The following ALDH1A2 variants were observed in gnomAD, a reference collection of about 807,000 sequenced individuals.
The protein encoded by ALDH1A2 is aldehyde dehydrogenase 1 family member A2.
A neutral mutation model predicts 60.3 loss-of-function variants in ALDH1A2; 27 were observed. That is an observed-to-expected ratio of 0.45 (90% CI 0.33 to 0.62). The LOEUF is 0.62. Ranked by LOEUF, ALDH1A2 falls within the 20% of genes least tolerant of loss-of-function variation. ALDH1A2 has a pLI of 0.02. For synonymous variants in ALDH1A2, 289 were observed against 232.4 expected (o/e 1.24, Z -2.21); for missense variants, 581 against 643.8 (o/e 0.90, Z 1.06).
At chr15:57,977,879 G>C (rs1894320439) in intron 7 of ALDH1A2, among the ~76,000 whole-genome samples, 1 of 152,194 alleles carries the variant, frequency 6.6e-6, no homozygotes, top group African/African-American at 2.4e-5. Flanking sequence ...TCCTTGAGGA[G>C]TGGTTTATAG....
At chr15:58,036,917 A>T (rs1281969801) in intron 1 of ALDH1A2, among the ~76,000 whole-genome samples, 1 of 151,750 alleles carries the variant, frequency 6.6e-6, no homozygotes, top group Non-Finnish European at 1.5e-5. Context: ...ATGGGGAAGT[A>T]CAAGAAAGAA....
chr15:58,059,272 G>C (rs943563218), intron 1 of ALDH1A2, among the ~76,000 whole-genome samples: 20 of 152,126 alleles, frequency 1.3e-4, no homozygotes, highest in Non-Finnish European at 2.8e-4. Flanking sequence ...TTGCTGTTTG[G>C]GGGGAAATGA....
intron 7 of ALDH1A2, among the ~76,000 whole-genome samples, chr15:57,981,501 C>A (rs968979128): frequency 6.6e-5 from 10 of 152,250 alleles, no homozygotes; most frequent in South Asian, 4.1e-4. Flanking sequence ...TGAATTCTTA[C>A]TATATGCCAA....
chr15:57,989,724 C>T (rs1362794348), intron 7 of ALDH1A2, among the ~76,000 whole-genome samples: 1 of 151,854 alleles, frequency 6.6e-6, no homozygotes, highest in Non-Finnish European at 1.5e-5. Context: ...AGATGAGTTG[C>T]AAAGGGGTAG....
intron 7 of ALDH1A2, among the ~76,000 whole-genome samples, chr15:57,989,428 C>T (rs1054906379): frequency 6.6e-6 from 1 of 152,038 alleles, no homozygotes; most frequent in Non-Finnish European, 1.5e-5. Context: ...CTTAGAAAAT[C>T]GGTTTGAAAT....
intron 1 of ALDH1A2, among the ~76,000 whole-genome samples, chr15:58,016,736 C>G (rs1447636979): frequency 6.6e-6 from 1 of 151,994 alleles, no homozygotes; most frequent in South Asian, 2.1e-4. Flanking sequence ...TCAATTATTT[C>G]TAATTGTGCT....
At chr15:58,026,649 C>G (rs954879698) in intron 1 of ALDH1A2, among the ~76,000 whole-genome samples, 6 of 152,158 alleles carry the variant, frequency 3.9e-5, no homozygotes, top group African/African-American at 1.4e-4. Flanking sequence ...CGTGGAGGAA[C>G]AGTACACTCT....
intron 1 of ALDH1A2, among the ~76,000 whole-genome samples, chr15:58,032,031 T>C (rs1338187723): frequency 6.6e-6 from 1 of 152,174 alleles, no homozygotes; most frequent in Non-Finnish European, 1.5e-5. Flanking sequence ...TTATAAAACA[T>C]GCTGCTATAA....
At chr15:57,968,421 C>T (rs1187016646) in intron 7 of ALDH1A2, among the ~76,000 whole-genome samples, 1 of 152,144 alleles carries the variant, frequency 6.6e-6, no homozygotes, top group Non-Finnish European at 1.5e-5. Context: ...CAGGCTGATG[C>T]CAGAGCCCAG....
At position 58,065,544 on chromosome 15, in the gene ALDH1A2, T is replaced by G. The variant is rs1218450951; in HGVS notation, c.107A>C (p.Lys36Thr). The change falls in exon 1 of 13, where the codon AAG (lysine) becomes ACG (threonine). Residue 36 changes from lysine to threonine, a missense_variant. Around this residue, in one of 2 missense-constraint regions of ALDH1A2, gnomAD observed 206 missense variants for 174.1 expected, o/e 1.18. Transcript: ENST00000249750. ...LPSPTPNLEI[K>T]YTKIFINNEW... The stretch of plus-strand genomic sequence containing the variant: ...TGGGCGGCCGCTTACCTTGGTGTAC[T>G]TAATTTCGAGATTGGGCGTGGGCGA... The G allele has an allele frequency of 6.2e-7, 1 of 1,613,404 alleles. No individual in the cohort carries two copies. Among genetic ancestry groups the G allele is most frequent in the African/African-American group, 1.3e-5 (1 of 74,892 alleles).
intron 7 of ALDH1A2, among the ~76,000 whole-genome samples, chr15:57,968,371 C>T (rs916387480): frequency 2.6e-5 from 4 of 152,174 alleles, no homozygotes; most frequent in African/African-American, 9.6e-5. Flanking sequence ...TGTCACCAGG[C>T]TCCCCAGCTG....
intron 10 of ALDH1A2, among the ~76,000 whole-genome samples, chr15:57,961,796 A>G (rs1169209020): frequency 6.6e-6 from 1 of 152,190 alleles, no homozygotes; most frequent in Admixed American, 6.5e-5. Flanking sequence ...TAATAATCAT[A>G]AGCACATAGC....
At chr15:58,060,447 A>C (rs1380881928) in intron 1 of ALDH1A2, among the ~76,000 whole-genome samples, 2 of 149,252 alleles carry the variant, frequency 1.3e-5, no homozygotes, top group African/African-American at 4.9e-5. Context: ...GAAACTCTTT[A>C]AGATGCCACA....
At chr15:58,044,644 C>T (rs913137224) in intron 1 of ALDH1A2, among the ~76,000 whole-genome samples, 1 of 152,032 alleles carries the variant, frequency 6.6e-6, no homozygotes, top group African/African-American at 2.4e-5. Flanking sequence ...GAAGCAGAAA[C>T]TTCTGCCAGA....
chr15:57,961,502 C>A (rs1471760111), intron 10 of ALDH1A2, among the ~76,000 whole-genome samples: 1 of 152,174 alleles, frequency 6.6e-6, no homozygotes, highest in Non-Finnish European at 1.5e-5. Flanking sequence ...CTTCCCCAAC[C>A]TCTCCAGCAT....
intron 1 of ALDH1A2, among the ~76,000 whole-genome samples, chr15:58,022,641 G>GGTA (rs1273656263): frequency 6.6e-6 from 1 of 152,068 alleles, no homozygotes; most frequent in African/African-American, 2.4e-5. Flanking sequence ...GCAACCACTA[G>GGTA]GGCCTAAAGA....
At chr15:58,062,879 G>A (rs1264639918) in intron 1 of ALDH1A2, among the ~76,000 whole-genome samples, 1 of 152,184 alleles carries the variant, frequency 6.6e-6, no homozygotes, top group Non-Finnish European at 1.5e-5. Flanking sequence ...CTGCCTAAAA[G>A]TCCATACACA....
At chr15:58,045,628 G>C (rs1896619624) in intron 1 of ALDH1A2, among the ~76,000 whole-genome samples, 1 of 151,996 alleles carries the variant, frequency 6.6e-6, no homozygotes, top group South Asian at 2.1e-4. Context: ...ATCAATCTCA[G>C]CAAACTAACA....
intron 1 of ALDH1A2, among the ~76,000 whole-genome samples, chr15:58,031,591 G>C (rs1896241447): frequency 6.6e-6 from 1 of 152,054 alleles, no homozygotes; most frequent in South Asian, 2.1e-4. Flanking sequence ...TACAGAATGG[G>C]AGAAAATTTT....
Sources: allele counts gnomAD v4.1 joint callset (sites outside exome capture counted in the v4.1 genomes callset), GRCh38; gene constraint gnomAD v4.1.1; regional missense constraint gnomAD v4.1.1; transcripts MANE v1.5; gene names NCBI Gene and HGNC (gene_info 2026-07-23, HGNC 2026-07-21).